ASCC2: variants seen among roughly 807,000 people sequenced by gnomAD.
ASCC2 encodes the protein ASC-1 complex subunit P100.
Under a neutral mutation model 93.5 loss-of-function variants are expected in ASCC2, and 42 were observed. The observed-to-expected ratio is 0.45, with a 90% CI of 0.35 to 0.58. The LOEUF (loss-of-function observed/expected upper bound fraction) is 0.58. Among genes scored for constraint, ASCC2 ranks in the 20% least tolerant of loss-of-function variants. The pLI is 0.00. For synonymous variants in ASCC2, 364 were observed against 384.2 expected, an observed-to-expected ratio of 0.95 and a Z score of 0.62; for missense variants, 859 against 977.6, an observed-to-expected ratio of 0.88 and a Z score of 1.62.
intron 4 of ASCC2, 106 bp downstream of exon 4, chr22:29,824,981 A>C (rs1259654441): frequency 9.1e-7 from 1 of 1,093,130 alleles, no homozygotes; most frequent in Admixed American, 2.9e-5. Context: ...GAAGAGAGAC[A>C]AAGAGGAAAC....
chr22:29,832,443 C>A, intron 1 of ASCC2, 101 bp from the exon 2 acceptor site: 1 of 919,446 alleles, frequency 1.1e-6, no homozygotes, highest in Non-Finnish European at 1.7e-6. Context: ...AAGCTTCAAC[C>A]TCTCGCCTTA....
chr22:29,805,865 T>C (rs1322951509), intron 12 of ASCC2, among the ~76,000 whole-genome samples: 26 of 151,680 alleles, frequency 1.7e-4, no homozygotes, highest in Non-Finnish European at 7.4e-5. Flanking sequence ...CCACCTCTGG[T>C]TTCCTGCCCT....
At chr22:29,827,879 A>AC (rs1194803124) in intron 2 of ASCC2, among the ~76,000 whole-genome samples, 4 of 118,682 alleles carry the variant, frequency 3.4e-5, no homozygotes, top group African/African-American at 1.4e-4. Context: ...ACACACACAC[A>AC]CCAGGCTACT....
rs565654950 is a variant in ASCC2 at position 29,802,050 on chromosome 22, A to G, written c.1512T>C (p.Asn504=). ...YHYDPEQVIN[N]ILEERLAPTL... is the part of the protein sequence containing the mutation. ...TGGGGGCCAGCCGCTCCTCCAGGAT[A>G]TTGTTGATCACCTGCTCTGGGTCGT... Residue 504 remains asparagine (N), a synonymous_variant, in exon 14 of 20, where the codon AAT becomes AAC. Transcript: ENST00000307790. The G allele has an allele frequency of 2.9e-5, 47 of 1,613,562 alleles. No individual in the cohort carries two copies. The East Asian group carries it at 9.6e-4, about 33-fold the overall frequency.
chr22:29,830,970 G>C (rs1162563896), intron 2 of ASCC2, among the ~76,000 whole-genome samples: 1 of 152,230 alleles, frequency 6.6e-6, no homozygotes, highest in Non-Finnish European at 1.5e-5. Context: ...CAAGGAGCCA[G>C]TCTCCATCAG....
chr22:29,811,880 TAAG>T (rs918057638), intron 8 of ASCC2, among the ~76,000 whole-genome samples: 2 of 152,266 alleles, frequency 1.3e-5, no homozygotes, highest in African/African-American at 4.8e-5. Flanking sequence ...TACGAAATTC[TAAG>T]AATAGTATGA....
Position 29,805,629 on chromosome 22 carries a change from C to T in ASCC2, c.1160+587G>A, listed in dbSNP as rs147090468. 5.5e-3 allele frequency among the ~76,000 whole-genome samples: 837 copies of T among 152,312 alleles called. 10 individuals are homozygous for T. The highest frequency in any genetic ancestry group is 0.019 in the African/African-American group (805 of 41,580). On this transcript the variant is annotated intron_variant, in intron 12 of 19. Coordinates refer to ENST00000307790, the MANE Select transcript of ASCC2 (RefSeq NM_032204.5). ...TTGCTGGCCTTCACCTCACCTGCAA[C>T]ACCCCAATTCCTCCTCTTGGGAGAC...
At chr22:29,808,298 T>A (rs886250082) in intron 8 of ASCC2, 113 bp from the exon 9 acceptor site, 3 of 1,108,360 alleles carry the variant, frequency 2.7e-6, no homozygotes, top group Non-Finnish European at 3.9e-6. Flanking sequence ...TTCCACACAA[T>A]TTTCTCCAGG....
intron 1 of ASCC2, among the ~76,000 whole-genome samples, chr22:29,836,025 G>T (rs960084787): frequency 6.6e-6 from 1 of 152,038 alleles, no homozygotes; most frequent in African/African-American, 2.4e-5. Context: ...GGTCGGGTGA[G>T]GTGGCTTCCG....
intron 5 of ASCC2, among the ~76,000 whole-genome samples, chr22:29,820,913 CAAA>C (rs376815823): frequency 2.9e-5 from 2 of 69,280 alleles, no homozygotes. Flanking sequence ...TCTCAATACA[CAAA>C]AAAAAAAAAA....
intron 15 of ASCC2, among the ~76,000 whole-genome samples, chr22:29,797,826 T>C (rs1173769796): frequency 6.6e-6 from 1 of 152,194 alleles, no homozygotes; most frequent in African/African-American, 2.4e-5. Flanking sequence ...CGTGCAATGG[T>C]GTGATCCTGG....
rs998699315 is a variant in ASCC2, at chr22:29,814,784, C to T, written c.610-17G>A. 1.1e-5 allele frequency: 18 copies of T among 1,600,204 alleles called. No individual in the cohort carries two copies. The highest frequency in any genetic ancestry group is 3.3e-5 in the South Asian group (3 of 89,884). ...GCTGAAGACCTGTGAAAGACAAGAA[C>T]GGGCTCTCTCACATCATACTGAACC... is the stretch of plus-strand genomic sequence containing the variant. On this transcript the variant is annotated splice_polypyrimidine_tract_variant and intron_variant, in intron 6 of 19. Transcript: ENST00000307790.
intron 12 of ASCC2, 85 bp from the exon 13 acceptor site, chr22:29,804,915 C>A: frequency 6.9e-7 from 1 of 1,443,188 alleles, no homozygotes; most frequent in Admixed American, 1.8e-5. Flanking sequence ...CATCTGACCA[C>A]ATGGTTCCTG....
intron 5 of ASCC2, among the ~76,000 whole-genome samples, chr22:29,818,528 C>G (rs1200276313): frequency 2.0e-5 from 3 of 151,770 alleles, no homozygotes; most frequent in Non-Finnish European, 4.4e-5. Flanking sequence ...GCTGACTCCC[C>G]TCTAGGAGCC....
intron 13 of ASCC2, among the ~76,000 whole-genome samples, chr22:29,803,794 G>A (rs920781941): frequency 6.6e-6 from 1 of 152,238 alleles, no homozygotes; most frequent in African/African-American, 2.4e-5. Context: ...GGTGGGAAAA[G>A]GTGAAGGAGG....
chr22:29,798,016 C>G (rs763480709), intron 15 of ASCC2, among the ~76,000 whole-genome samples: 3 of 152,210 alleles, frequency 2.0e-5, no homozygotes, highest in African/African-American at 7.2e-5. Flanking sequence ...ATCCACCCAC[C>G]TTGGCCTCCC....
intron 1 of ASCC2, among the ~76,000 whole-genome samples, chr22:29,834,725 T>C (rs925660635): frequency 6.6e-6 from 1 of 152,230 alleles, no homozygotes; most frequent in Admixed American, 6.5e-5. Flanking sequence ...CATGTTCAGA[T>C]GTCCAAAGAG....
rs555452432 is a variant in ASCC2, at chr22:29,822,225, C to T, written c.541+110G>A. The T allele has an allele frequency of 1.2e-5, 17 of 1,427,828 alleles. No individual in the cohort carries two copies. In the East Asian group the frequency reaches 3.9e-4, roughly 33 times the overall value. 88.4% of individuals were successfully genotyped at this position (1,427,828 alleles called of 1,614,324 possible). ...TAAGCAATTTCCCAAGACTCCCTGC[C>T]CCTATCGCCCTGAGTCCCTGGGCAC... On this transcript the variant is annotated intron_variant, in intron 5 of 19. Coordinates refer to ENST00000307790, the MANE Select transcript of ASCC2 (RefSeq NM_032204.5).
intron 2 of ASCC2, among the ~76,000 whole-genome samples, chr22:29,830,194 G>A (rs1568957933): frequency 6.6e-6 from 1 of 152,204 alleles, no homozygotes; most frequent in Non-Finnish European, 1.5e-5. Context: ...TCCAGGCACA[G>A]TGCTCATTCA....
Sources: gnomAD v4.1 joint callset for allele counts (sites outside exome capture counted in the v4.1 genomes callset) on GRCh38, gnomAD v4.1.1 for gene constraint, MANE v1.5 for transcripts, NCBI Gene and HGNC (gene_info 2026-07-23, HGNC 2026-07-21) for gene names.